The following TMEM132D variants were observed in gnomAD, a reference collection of about 807,000 sequenced individuals.
The protein encoded by TMEM132D is transmembrane protein 132D.
A neutral mutation model predicts 62.3 loss-of-function variants in TMEM132D; 21 were observed. The observed-to-expected ratio is 0.34, with a 90% CI of 0.24 to 0.49. TMEM132D has a LOEUF of 0.49. TMEM132D is among the 20% of genes least tolerant of loss of function. The pLI is 0.99. For missense variants in TMEM132D, 1,346 were observed against 1,402.8 expected, an observed-to-expected ratio of 0.96 and a Z score of 0.65; for synonymous variants, 621 against 575.6, an observed-to-expected ratio of 1.08 and a Z score of -1.13.
rs3046897 is a variant in TMEM132D, at chr12:129,763,432, C to CTTTTT, written c.80-62739_80-62735dup. Among the ~76,000 whole-genome samples the CTTTTT allele has an allele frequency of 1.2e-3, 174 of 142,560 alleles. 1 individual carries two copies. The highest frequency in any genetic ancestry group is 5.0e-3 in the Admixed American group (72 of 14,370). The allele number at this position is 142,560 out of a possible 152,430, so 93.5% of individuals were successfully genotyped here. The stretch of plus-strand genomic sequence containing the variant: ...TTCCAGTGAGGATCTAGATTTCTGG[C>CTTTTT]TTTTTTTTTTTTTCTGAAATAGTAA... On this transcript the variant is annotated intron_variant, in intron 1 of 8. Coordinates refer to ENST00000422113, the MANE Select transcript of TMEM132D (RefSeq NM_133448.3).
intron 3 of TMEM132D, among the ~76,000 whole-genome samples, chr12:129,410,652 T>C (rs1871942167): frequency 6.6e-6 from 1 of 152,186 alleles, no homozygotes. Context: ...GCCACCACCG[T>C]GCCTGGCCTT....
At chr12:129,679,273 C>T (rs753374172) in intron 2 of TMEM132D, among the ~76,000 whole-genome samples, 4 of 151,844 alleles carry the variant, frequency 2.6e-5, no homozygotes, top group Non-Finnish European at 4.4e-5. Flanking sequence ...TTTATTCAAC[C>T]TGAATTATTA....
intron 5 of TMEM132D, among the ~76,000 whole-genome samples, chr12:129,122,236 A>G (rs12422803): frequency 0.041 from 6,242 of 152,288 alleles, 240 homozygotes; most frequent in East Asian, 0.21. Context: ...CCAGAGCTGA[A>G]TGTGTACTGC....
At chr12:129,706,718 T>G (rs1260291945) in intron 1 of TMEM132D, among the ~76,000 whole-genome samples, 1 of 151,846 alleles carries the variant, frequency 6.6e-6, no homozygotes, top group Non-Finnish European at 1.5e-5. Flanking sequence ...AAGGAGACAA[T>G]AATAATAATA....
chr12:129,224,317 C>T (rs1009837836), intron 4 of TMEM132D, among the ~76,000 whole-genome samples: 10 of 152,266 alleles, frequency 6.6e-5, no homozygotes, highest in Non-Finnish European at 8.8e-5. Context: ...TCTTCTGTTC[C>T]GATGAATATG....
chr12:129,438,188 G>A (rs1872840951), intron 3 of TMEM132D, among the ~76,000 whole-genome samples: 1 of 152,140 alleles, frequency 6.6e-6, no homozygotes, highest in Admixed American at 6.5e-5. Context: ...TGTGAATAGT[G>A]CTGCAATAAA....
At chr12:129,431,645 G>T (rs1186300828) in intron 3 of TMEM132D, among the ~76,000 whole-genome samples, 1 of 152,154 alleles carries the variant, frequency 6.6e-6, no homozygotes, top group Admixed American at 6.5e-5. Context: ...CTACCTTTGA[G>T]CCCAGCAATT....
chr12:129,099,632 C>T (rs564382152), intron 5 of TMEM132D, among the ~76,000 whole-genome samples: 18 of 152,302 alleles, frequency 1.2e-4, no homozygotes, highest in Admixed American at 9.8e-4. Context: ...AGCACAGTTC[C>T]ACCTCCAGAC....
chr12:129,176,156 A>G (rs1436783444), intron 5 of TMEM132D, among the ~76,000 whole-genome samples: 1 of 152,242 alleles, frequency 6.6e-6, no homozygotes, highest in Non-Finnish European at 1.5e-5. Context: ...CTCCAGAGTT[A>G]TCTGAGAAGG....
At chr12:129,477,019 T>C (rs1416242164) in intron 3 of TMEM132D, among the ~76,000 whole-genome samples, 2 of 152,204 alleles carry the variant, frequency 1.3e-5, no homozygotes, top group Admixed American at 1.3e-4. Flanking sequence ...TCCATGCCTC[T>C]TAATCATTTT....
chr12:129,467,520 G>T lies in TMEM132D; in HGVS notation c.1115+63539C>A, dbSNP rs140191695. On this transcript the variant is annotated intron_variant, in intron 3 of 8. Transcript: ENST00000422113. ...AGAGGTTGAGCATTCTGATTGGCTG[G>T]GGCTGGGTGACATCACTTGCACCTG... 7.0e-3 allele frequency among the ~76,000 whole-genome samples: 1,061 copies of T among 152,242 alleles called. 7 individuals carry two copies. Among genetic ancestry groups the T allele is most frequent in the African/African-American group, 0.022 (906 of 41,540 alleles).
At chr12:129,820,632 A>C (rs913199768) in intron 1 of TMEM132D, among the ~76,000 whole-genome samples, 1 of 152,232 alleles carries the variant, frequency 6.6e-6, no homozygotes, top group African/African-American at 2.4e-5. Context: ...CATCAGCTGA[A>C]AATATATGGG....
intron 4 of TMEM132D, among the ~76,000 whole-genome samples, chr12:129,250,929 G>T (rs867752366): frequency 6.6e-6 from 1 of 152,166 alleles, no homozygotes; most frequent in East Asian, 1.9e-4. Flanking sequence ...AGGTGCGTAC[G>T]GTGGTATTGT....
chr12:129,307,619 G>A (rs1181678230), intron 4 of TMEM132D, among the ~76,000 whole-genome samples: 2 of 151,994 alleles, frequency 1.3e-5, no homozygotes, highest in Non-Finnish European at 2.9e-5. Context: ...AGACACAGAG[G>A]CTTCCTCAGA....
chr12:129,471,760 C>A (rs1874098858), intron 3 of TMEM132D, among the ~76,000 whole-genome samples: 1 of 152,156 alleles, frequency 6.6e-6, no homozygotes, highest in South Asian at 2.1e-4. Context: ...ACTAAAAGTG[C>A]CACACCAGTG....
At chr12:129,457,529 C>T (rs946599849) in intron 3 of TMEM132D, among the ~76,000 whole-genome samples, 1 of 151,268 alleles carries the variant, frequency 6.6e-6, no homozygotes, top group Non-Finnish European at 1.5e-5. Flanking sequence ...CAACATGGCA[C>T]ATGTATACAT....
intron 2 of TMEM132D, among the ~76,000 whole-genome samples, chr12:129,578,239 A>G (rs920957402): frequency 6.6e-6 from 1 of 152,166 alleles, no homozygotes; most frequent in Non-Finnish European, 1.5e-5. Flanking sequence ...CTTCGGACTC[A>G]GAATGAATGC....
At chr12:129,379,603 C>G (rs150471696) in intron 3 of TMEM132D, among the ~76,000 whole-genome samples, 19 of 152,290 alleles carry the variant, frequency 1.2e-4, no homozygotes, top group African/African-American at 4.3e-4. Context: ...CTGTGTGAGT[C>G]TGACTGTTTT....
chr12:129,684,585 G>A (rs984124874), intron 2 of TMEM132D, among the ~76,000 whole-genome samples: 1 of 151,938 alleles, frequency 6.6e-6, no homozygotes, highest in African/African-American at 2.4e-5. Flanking sequence ...CTGAAAATGT[G>A]GAAGCTACTT....
Sources: allele counts gnomAD v4.1 joint callset (sites outside exome capture counted in the v4.1 genomes callset), GRCh38; gene constraint gnomAD v4.1.1; transcripts MANE v1.5; gene names NCBI Gene and HGNC (gene_info 2026-07-23, HGNC 2026-07-21).